SLC4A4: variants seen among roughly 807,000 people sequenced by gnomAD.
SLC4A4 encodes solute carrier family 4 member 4, also known as electrogenic sodium bicarbonate cotransporter 1.
A neutral mutation model predicts 111.5 loss-of-function variants in SLC4A4; 27 were observed. That is an observed-to-expected ratio of 0.24 (90% CI 0.18 to 0.33). SLC4A4 has a LOEUF of 0.33. Ranked by LOEUF, SLC4A4 falls within the 10% of genes least tolerant of loss-of-function variation. The pLI is 1.00. For missense variants in SLC4A4, 909 were observed against 1,315.5 expected (o/e 0.69, Z 4.78); for synonymous variants, 443 against 463.4 (o/e 0.96, Z 0.57).
chr4:71,422,988 G>A lies in SLC4A4; in HGVS notation c.808-17628G>A, dbSNP rs1479343790. Among the ~76,000 whole-genome samples the A allele has an allele frequency of 2.0e-5, 3 of 152,216 alleles. No homozygotes were observed. In the East Asian group the frequency reaches 5.8e-4, roughly 29 times the overall value. ...ACATAGTGTTGGAAGTTCTGGCCAGGGCAATTAGGCAGGAGAAGGAAATAA... is the reference window on the plus strand; with the variant it reads ...ACATAGTGTTGGAAGTTCTGGCCAGAGCAATTAGGCAGGAGAAGGAAATAA... On this transcript the variant is annotated intron_variant, in intron 7 of 25. Transcript: ENST00000264485.
chr4:71,291,428 T>A (rs80163506), intron 3 of SLC4A4, among the ~76,000 whole-genome samples: 3,236 of 152,186 alleles, frequency 0.021, 110 homozygotes, highest in African/African-American at 0.073. Flanking sequence ...TGACCTATAG[T>A]TTTTTTGTTC....
At chr4:71,157,722 T>G (rs1395925049) in intron 2 of SLC4A4, among the ~76,000 whole-genome samples, 1 of 152,204 alleles carries the variant, frequency 6.6e-6, no homozygotes, top group Admixed American at 6.5e-5. Flanking sequence ...TTAGTTTGCC[T>G]TTGGTGTCTG....
At chr4:71,354,556 AG>A (rs1730117073) in intron 5 of SLC4A4, among the ~76,000 whole-genome samples, 1 of 152,146 alleles carries the variant, frequency 6.6e-6, no homozygotes, top group African/African-American at 2.4e-5. Flanking sequence ...TTAATCTTGA[AG>A]TTGAATATTT....
intron 2 of SLC4A4, among the ~76,000 whole-genome samples, chr4:71,165,930 C>T (rs1744734210): frequency 6.6e-6 from 1 of 151,828 alleles, no homozygotes; most frequent in Non-Finnish European, 1.5e-5. Context: ...TAGGAGCTTC[C>T]AGAATCTTAA....
chr4:71,065,974 C>T (rs1741508046), intron 1 of SLC4A4, among the ~76,000 whole-genome samples: 1 of 151,944 alleles, frequency 6.6e-6, no homozygotes, highest in African/African-American at 2.4e-5. Flanking sequence ...ATATGCCTTC[C>T]ATTATACTCT....
upstream of SLC4A4, among the ~76,000 whole-genome samples, chr4:71,186,222 A>C (rs529581457): frequency 6.6e-6 from 1 of 152,216 alleles, no homozygotes. Context: ...CTGTTTTCCT[A>C]ACTCCCAAGG....
chr4:71,541,887 G>C (rs1195668893), intron 18 of SLC4A4, among the ~76,000 whole-genome samples: 2 of 152,052 alleles, frequency 1.3e-5, no homozygotes, highest in Admixed American at 1.3e-4. Flanking sequence ...GAAAAATACT[G>C]TTTTCCATAT....
At chr4:71,242,823 T>TA (rs1276772035) in intron 2 of SLC4A4, among the ~76,000 whole-genome samples, 8 of 152,166 alleles carry the variant, frequency 5.3e-5, no homozygotes, top group Non-Finnish European at 8.8e-5. Context: ...TAAATATTGT[T>TA]TACTTGCTTA....
intron 2 of SLC4A4, among the ~76,000 whole-genome samples, chr4:71,101,825 A>G (rs1465437763): frequency 7.2e-5 from 11 of 151,970 alleles, no homozygotes; most frequent in Non-Finnish European, 1.5e-4. Flanking sequence ...TGGGGAAAAA[A>G]CAGAACAGAA....
intron 14 of SLC4A4, among the ~76,000 whole-genome samples, chr4:71,485,455 T>G: frequency 6.6e-6 from 1 of 151,758 alleles, no homozygotes. Context: ...TTGCATATGT[T>G]GAACCAACCT....
At chr4:71,124,945 T>C (rs987869185) in intron 2 of SLC4A4, among the ~76,000 whole-genome samples, 8 of 152,244 alleles carry the variant, frequency 5.3e-5, no homozygotes, top group Non-Finnish European at 1.5e-5. Flanking sequence ...TACACAGATA[T>C]TGATACAGGA....
chr4:71,267,444 A>G lies in SLC4A4; in HGVS notation c.253+12045A>G, dbSNP rs539144860. ...GGCCAGGAGAAAGCATGATGAGTAC[A>G]AGAGTGGTTATCTAAGGCAGGCCAT... On this transcript the variant is annotated intron_variant, in intron 3 of 25. Coordinates refer to ENST00000264485, the MANE Select transcript of SLC4A4 (RefSeq NM_001098484.3). Among the ~76,000 whole-genome samples, 4 of 152,352 alleles carry G rather than the reference A, an allele frequency of 2.6e-5. No homozygotes were observed. In the South Asian group the frequency reaches 8.3e-4, roughly 32 times the overall value.
intron 20 of SLC4A4, among the ~76,000 whole-genome samples, chr4:71,549,624 A>G (rs1480821990): frequency 1.3e-5 from 2 of 151,872 alleles, no homozygotes; most frequent in Admixed American, 1.3e-4. Context: ...CAAAAAAGTC[A>G]GATGTGTTTA....
intron 2 of SLC4A4, among the ~76,000 whole-genome samples, chr4:71,131,661 A>G (rs1743711383): frequency 6.6e-6 from 1 of 152,242 alleles, no homozygotes; most frequent in African/African-American, 2.4e-5. Context: ...TGGTAAATGC[A>G]TTATTGACCT....
intron 14 of SLC4A4, among the ~76,000 whole-genome samples, chr4:71,473,622 G>C (rs544360472): frequency 6.6e-6 from 1 of 151,792 alleles, no homozygotes; most frequent in Non-Finnish European, 1.5e-5. Context: ...GTAACTCCTG[G>C]AAAGGAATGT....
At chr4:71,208,386 G>T (rs952153558) in intron 1 of SLC4A4, among the ~76,000 whole-genome samples, 1 of 149,428 alleles carries the variant, frequency 6.7e-6, no homozygotes. Flanking sequence ...AGCTGAGATC[G>T]CACCACTGCA....
intron 1 of SLC4A4, among the ~76,000 whole-genome samples, chr4:71,197,500 T>C (rs1746060552): frequency 6.6e-6 from 1 of 152,226 alleles, no homozygotes; most frequent in African/African-American, 2.4e-5. Context: ...TGTTAGCAGT[T>C]TTATAAATAA....
chr4:71,068,061 C>CTT lies in SLC4A4; in HGVS notation c.-65+5273_-65+5274insTT, dbSNP rs138059694. 5.6e-3 allele frequency among the ~76,000 whole-genome samples: 747 copies of CTT among 132,288 alleles called. 54 individuals carry two copies. The highest frequency in any genetic ancestry group is 7.8e-3 in the Admixed American group (98 of 12,580). 86.8% of individuals were successfully genotyped at this position (132,288 alleles called of 152,430 possible). A position where few individuals can be genotyped will look rare whatever the true frequency, so the allele number is the denominator to read the frequency against. On this transcript the variant is annotated intron_variant, in intron 1 of 26. Transcript: ENST00000649996. The stretch of plus-strand genomic sequence containing the variant: ...ACTGCATATGGCCTTTTTGAACAAA[C>CTT]GTTTTTTTTTTTTTTTTTTTGAGAT...
intron 16 of SLC4A4, among the ~76,000 whole-genome samples, chr4:71,500,400 G>A (rs561207174): frequency 3.0e-4 from 46 of 152,300 alleles, no homozygotes; most frequent in African/African-American, 1.1e-3. Flanking sequence ...CCAGACTAAT[G>A]TCATGGAGCT....
Sources: allele counts gnomAD v4.1 joint callset (sites outside exome capture counted in the v4.1 genomes callset), GRCh38; gene constraint gnomAD v4.1.1; transcripts MANE v1.5; gene names NCBI Gene and HGNC (gene_info 2026-07-23, HGNC 2026-07-21).